Variants in RASGRP3 observed in about 807,000 individuals in gnomAD.
RASGRP3 encodes the protein ras guanyl-releasing protein 3.
RASGRP3 carries 54 observed loss-of-function variants against 82.7 expected under a neutral mutation model. The ratio of observed to expected loss-of-function variants is 0.65; its 90% CI spans 0.52 to 0.82. RASGRP3 has a LOEUF of 0.82. RASGRP3 is among the 40% of genes least tolerant of loss of function. The pLI, the probability that RASGRP3 is intolerant of heterozygous loss-of-function variation, is 0.00. For missense variants in RASGRP3, 861 were observed against 828.9 expected (o/e 1.04, Z -0.48); for synonymous variants, 309 against 300.5 (o/e 1.03, Z -0.29).
At chr2:33,472,783 C>G (rs913962235), upstream of RASGRP3, among the ~76,000 whole-genome samples, 1 of 148,238 alleles carries the variant, frequency 6.7e-6, no homozygotes, top group Non-Finnish European at 1.5e-5. Context: ...GGTGAAACCC[C>G]GTCTCTACTA....
chr2:33,444,456 C>CATAAAT (rs1292793267), intron 1 of RASGRP3, among the ~76,000 whole-genome samples: 8 of 152,160 alleles, frequency 5.3e-5, no homozygotes, highest in Non-Finnish European at 1.2e-4. Context: ...ATCCTTACTG[C>CATAAAT]ATGTCTCAAC....
At chr2:33,488,393 A>C (rs1259580593) in intron 1 of RASGRP3, among the ~76,000 whole-genome samples, 1 of 152,152 alleles carries the variant, frequency 6.6e-6, no homozygotes, top group African/African-American at 2.4e-5. Flanking sequence ...GAATAGTAAT[A>C]ATGGAACACA....
At chr2:33,508,336 T>C (rs1670597682) in intron 1 of RASGRP3, among the ~76,000 whole-genome samples, 1 of 152,144 alleles carries the variant, frequency 6.6e-6, no homozygotes, top group African/African-American at 2.4e-5. Flanking sequence ...CTGGGCATCT[T>C]TAAGTGCTAA....
At chr2:33,477,508 G>A (rs189091018) in intron 1 of RASGRP3, among the ~76,000 whole-genome samples, 131 of 152,354 alleles carry the variant, frequency 8.6e-4, no homozygotes, top group Middle Eastern at 6.8e-3. Flanking sequence ...ACCTGACTGG[G>A]AAAGTGCTGC....
At chr2:33,442,156 T>C (rs1220149512) in intron 1 of RASGRP3, among the ~76,000 whole-genome samples, 1 of 152,162 alleles carries the variant, frequency 6.6e-6, no homozygotes, top group Non-Finnish European at 1.5e-5. Context: ...CTGTTAACAA[T>C]AGAAATTTCT....
At chr2:33,474,104 T>C (rs536617811), upstream of RASGRP3, among the ~76,000 whole-genome samples, 214 of 152,230 alleles carry the variant, frequency 1.4e-3, no homozygotes, top group African/African-American at 5.0e-3. Flanking sequence ...CAGCCTGGCC[T>C]CTAACAGACC....
chr2:33,524,391 T>A (rs1339441094), intron 8 of RASGRP3, 41 bp from the exon 9 acceptor site: 3 of 1,311,410 alleles, frequency 2.3e-6, no homozygotes, highest in African/African-American at 3.0e-5. Context: ...TTTAGAATAA[T>A]TTGAAAATCC....
chr2:33,538,695 T>C (rs928248615), intron 11 of RASGRP3, among the ~76,000 whole-genome samples: 3 of 152,180 alleles, frequency 2.0e-5, no homozygotes, highest in East Asian at 1.9e-4. Flanking sequence ...ACAAAACTTA[T>C]TCATTCTTCT....
rs56664748 is a variant in RASGRP3 at position 33,529,487 on chromosome 2, C to CAAAAAAAAAAAAAAAAAAAAAAAAAAAA, written c.1083+2088_1083+2089insAAAAAAAAAAAAAAAAAAAAAAAAAAAA. ...TGGGCGACAGAGCGAGACTCCATCT[C>CAAAAAAAAAAAAAAAAAAAAAAAAAAAA]AAAAAAAAAAAAATTCAGGAGTACA... On this transcript the variant is annotated intron_variant, in intron 10 of 17. Coordinates refer to ENST00000403687, the MANE Select transcript of RASGRP3 (RefSeq NM_001139488.2). Among the ~76,000 whole-genome samples, 74 of 56,934 alleles carry CAAAAAAAAAAAAAAAAAAAAAAAAAAAA rather than the reference C, an allele frequency of 1.3e-3. 10 individuals are homozygous for CAAAAAAAAAAAAAAAAAAAAAAAAAAAA. The highest frequency in any genetic ancestry group is 2.6e-3 in the East Asian group (5 of 1,932). The allele number at this position is 56,934 out of a possible 152,430, so 37.4% of individuals were successfully genotyped here.
chr2:33,491,991 A>G (rs568949704), intron 1 of RASGRP3, among the ~76,000 whole-genome samples: 1 of 152,350 alleles, frequency 6.6e-6, no homozygotes, highest in Admixed American at 6.5e-5. Context: ...CCTGGACAGG[A>G]TCATAGGTAC....
At chr2:33,516,512 TC>T in intron 3 of RASGRP3, 29 bp from the exon 4 acceptor site, 1 of 1,418,994 alleles carries the variant, frequency 7.0e-7, no homozygotes, top group Non-Finnish European at 9.8e-7. Context: ...CACTATTATC[TC>T]CTCACTTCTT....
rs371969508 is a variant in RASGRP3, at chr2:33,520,718, A to G, written c.368+34A>G. 3.1e-6 allele frequency: 5 copies of G among 1,611,436 alleles called. No homozygotes were observed. The African/African-American group carries it at 6.7e-5, about 22-fold the overall frequency. On this transcript the variant is annotated intron_variant, in intron 6 of 17. Coordinates refer to ENST00000403687, the MANE Select transcript of RASGRP3 (RefSeq NM_001139488.2). ...GGCACCGACGTCTTTCACACCCAAT[A>G]AGTCCACCACTTAGGGGAGGAAGTA...
rs79115467 is a variant in RASGRP3 at position 33,508,546 on chromosome 2, T to C, written c.-260-3164T>C. Among the ~76,000 whole-genome samples the C allele has an allele frequency of 1.6e-3, 238 of 152,278 alleles. 1 individual carries two copies. Among genetic ancestry groups the C allele is most frequent in the African/African-American group, 5.5e-3 (227 of 41,564 alleles). ...AAGGGCATCCATGTGGGTAAATTTC[T>C]CATTTTTATGGAAGGAAATCAAGGA... is the stretch of plus-strand genomic sequence containing the variant. On this transcript the variant is annotated intron_variant, in intron 1 of 17. Transcript: ENST00000403687.
In RASGRP3 at chr2:33,462,839, G is replaced by C. The variant is rs144424683; in HGVS notation, c.-261+14896G>C. On this transcript the variant is annotated intron_variant, in intron 2 of 18. Transcript: ENST00000402538. ...AGCTTTGTAGTTCTGCTTTGAAATA[G>C]CAAACTATACTAATGCTTGAATAGA... Among the ~76,000 whole-genome samples, 115 of 152,288 alleles carry C rather than the reference G, an allele frequency of 7.6e-4. 1 individual carries two copies. The East Asian group carries it at 0.018, about 23-fold the overall frequency.
chr2:33,471,544 A>T (rs1667062684), intron 2 of RASGRP3, among the ~76,000 whole-genome samples: 1 of 150,682 alleles, frequency 6.6e-6, no homozygotes, highest in Non-Finnish European at 1.5e-5. Context: ...GGTTTTCTTT[A>T]TTATGCTTTA....
chr2:33,494,630 GAA>G lies in RASGRP3; in HGVS notation c.-260-17077_-260-17076del, dbSNP rs1669151216. Among the ~76,000 whole-genome samples the G allele has an allele frequency of 3.3e-5, 5 of 152,170 alleles. No homozygotes were observed. In the South Asian group the frequency reaches 1.0e-3, roughly 32 times the overall value. On this transcript the variant is annotated intron_variant, in intron 1 of 17. Transcript: ENST00000403687. ...ATACTCACTATAGTGTGTGGAATCT[GAA>G]AATGTTTGCCTCTAAGCACGAATAG... is the stretch of plus-strand genomic sequence containing the variant.
intron 1 of RASGRP3, among the ~76,000 whole-genome samples, chr2:33,493,776 C>G (rs1469485299): frequency 6.6e-6 from 1 of 151,754 alleles, no homozygotes; most frequent in Non-Finnish European, 1.5e-5. Context: ...AATCTTTTGA[C>G]AAGGAGAGAT....
chr2:33,476,019 G>A (rs1667338603), upstream of RASGRP3, among the ~76,000 whole-genome samples: 1 of 152,156 alleles, frequency 6.6e-6, no homozygotes, highest in South Asian at 2.1e-4. Flanking sequence ...GCCTTTGATA[G>A]TCTTCATTAA....
At chr2:33,485,178 A>G (rs1480871519) in intron 1 of RASGRP3, among the ~76,000 whole-genome samples, 2 of 152,242 alleles carry the variant, frequency 1.3e-5, no homozygotes, top group Non-Finnish European at 2.9e-5. Flanking sequence ...AGCCTGGGCA[A>G]CAAGAGTGAA....
Sources: gnomAD v4.1 joint callset for allele counts (sites outside exome capture counted in the v4.1 genomes callset) on GRCh38, gnomAD v4.1.1 for gene constraint, MANE v1.5 for transcripts, NCBI Gene and HGNC (gene_info 2026-07-23, HGNC 2026-07-21) for gene names.